Variants in HGFAC observed in about 807,000 individuals in gnomAD.
HGFAC encodes the protein hepatocyte growth factor activator serine protease.
Under a neutral mutation model 70.6 loss-of-function variants are expected in HGFAC, and 76 were observed. The observed-to-expected ratio is 1.08, with a 90% CI of 0.89 to 1.30. The LOEUF (loss-of-function observed/expected upper bound fraction) is 1.30. Ranked by LOEUF, HGFAC falls within the 50% of genes most tolerant of loss-of-function variation. The probability of loss-of-function intolerance (pLI) is 0.00; values close to 1 mark genes in which losing one functional copy is unlikely to be tolerated. For synonymous variants in HGFAC, 464 were observed against 405.3 expected (o/e 1.14, Z -1.74); for missense variants, 1,044 against 933.7 (o/e 1.12, Z -1.54).
At position 3,449,368 on chromosome 4, in the gene HGFAC, C is replaced by T; in HGVS notation, c.1917C>T (p.Asp639=). The change falls in exon 14 of 14, where the codon GAC becomes GAT. Residue 639 remains aspartate (D), a synonymous_variant. Transcript: ENST00000382774. ...ACACCCGCGTGGCCAACTATGTGGA[C>T]TGGATCAACGACCGGATACGGCCTC... ...GVYTRVANYV[D]WINDRIRPPR... 1 of 1,603,404 alleles carries T rather than the reference C, an allele frequency of 6.2e-7. No individual in the cohort carries two copies. The highest frequency in any genetic ancestry group is 8.5e-7 in the Non-Finnish European group (1 of 1,173,960).
At chr4:3,445,885 C>CT (rs1214298624) in intron 9 of HGFAC, 157 bp from the exon 10 acceptor site, 7 of 1,547,224 alleles carry the variant, frequency 4.5e-6, no homozygotes, top group Non-Finnish European at 6.1e-6. Context: ...GATTTGGAAA[C>CT]TGAGGGCAGA....
rs756820391 is a variant in HGFAC at position 3,446,202 on chromosome 4, G to C, written c.1263G>C (p.Trp421Cys). The change falls in exon 10 of 14, where the codon TGG becomes TGC. Residue 421 changes from tryptophan (W) to cysteine (C), a missense_variant. Transcript: ENST00000382774. ...CCTCGCTGCCCGGCTCGCACCCCTG[G>C]CTGGCCGCCATCTACATCGGGGACA... ...GSSSLPGSHP[W>C]LAAIYIGDSF... is the part of the protein sequence containing the mutation. 3.7e-6 allele frequency: 6 copies of C among 1,611,190 alleles called. No homozygotes were observed. The East Asian group carries it at 8.9e-5, about 24-fold the overall frequency.
Position 3,446,319 on chromosome 4 carries a change from A to T in HGFAC, c.1355+25A>T, listed in dbSNP as rs763512669. The T allele has an allele frequency of 1.9e-6, 3 of 1,592,486 alleles. No homozygotes were observed. In the African/African-American group the frequency reaches 4.0e-5, roughly 21 times the overall value. On this transcript the variant is annotated intron_variant, in intron 10 of 13. Transcript: ENST00000382774. ...GGTGCACCTCCTCTGGGCCCCAGTC[A>T]CCTGCCCTGAGGCCCCACACACCAT...
At chr4:3,445,449 C>G (rs1725474565) in intron 9 of HGFAC, 99 bp downstream of exon 9, 2 of 848,426 alleles carry the variant, frequency 2.4e-6, no homozygotes, top group African/African-American at 3.3e-5. Context: ...GCTACTGCAT[C>G]TCTGACAAAT....
chr4:3,445,133 C>A, intron 8 of HGFAC, 132 bp from the exon 9 acceptor site: 1 of 1,289,188 alleles, frequency 7.8e-7, no homozygotes, highest in Non-Finnish European at 1.1e-6. Context: ...GGAGGCTGCC[C>A]GAGGGAGGGC....
At position 3,442,928 on chromosome 4, in the gene HGFAC, C is replaced by A; in HGVS notation, c.298+16C>A. The A allele has an allele frequency of 6.4e-7, 1 of 1,562,292 alleles. No homozygotes were observed. The highest frequency in any genetic ancestry group is 8.7e-7 in the Non-Finnish European group (1 of 1,154,192). ...CAGGCCCAAGGTGGGTCAGGTGGGC[C>A]TGGGAGGAGGTGTCGTGCTTCACCT... On this transcript the variant is annotated intron_variant, in intron 2 of 13. Coordinates refer to ENST00000382774, the MANE Select transcript of HGFAC (RefSeq NM_001528.4).
At chr4:3,448,690 G>A (rs1577128493) in intron 13 of HGFAC, among the ~76,000 whole-genome samples, 2 of 152,168 alleles carry the variant, frequency 1.3e-5, no homozygotes, top group East Asian at 3.9e-4. Context: ...CACGTCCTGG[G>A]CTCTGCAGGC....
Position 3,449,251 on chromosome 4 carries a change from G to T in HGFAC, c.1800G>T (p.Gly600=), listed in dbSNP as rs769529523. 6.2e-7 allele frequency: 1 copy of T among 1,611,928 alleles called. No individual in the cohort carries two copies. The highest frequency in any genetic ancestry group is 1.7e-5 in the Admixed American group (1 of 59,932). Residue 600 remains glycine, a synonymous_variant, in exon 14 of 14, where the codon GGG becomes GGT. Coordinates refer to ENST00000382774, the MANE Select transcript of HGFAC (RefSeq NM_001528.4). ...TCTCTGCCCAGGGGGACTCAGGGGG[G>T]CCCCTGGCCTGCGAGAAGAACGGCG... is the stretch of plus-strand genomic sequence containing the variant. ...KSDACQGDSG[G]PLACEKNGVA... is the part of the protein sequence containing the mutation.
rs554680548 is a variant in HGFAC at position 3,446,730 on chromosome 4, C to T, written c.1355+436C>T. On this transcript the variant is annotated intron_variant, in intron 10 of 13. Transcript: ENST00000382774. ...CTCAGCCGGCTCCCCTCAGTGGGGG[C>T]GCACAGCCACCCAGGCCCACACTCT... Among the ~76,000 whole-genome samples, 601 of 152,290 alleles carry T rather than the reference C, an allele frequency of 3.9e-3. 3 individuals carry two copies. The highest frequency in any genetic ancestry group is 6.0e-3 in the Non-Finnish European group (408 of 67,996).
rs988084520 is a variant in HGFAC at position 3,447,613 on chromosome 4, C to A, written c.1477C>A (p.Pro493Thr). Reference sequence around the variant, plus strand: ...GTACACCCTGTACTCGGTGTTCAACCCCAGCGACCACGACCTCGGTGAGCT... The same window carrying A: ...GTACACCCTGTACTCGGTGTTCAACACCAGCGACCACGACCTCGGTGAGCT... ...IPYTLYSVFN[P>T]SDHDLVLIRL... Residue 493 changes from proline (P) to threonine (T), a missense_variant, in exon 11 of 14, where the codon CCC (proline) becomes ACC (threonine). By Grantham distance (38) the Pro-to-Thr change is conservative. Coordinates refer to ENST00000382774, the MANE Select transcript of HGFAC (RefSeq NM_001528.4). The A allele has an allele frequency of 6.2e-7, 1 of 1,612,670 alleles. No individual in the cohort carries two copies. Among genetic ancestry groups the A allele is most frequent in the African/African-American group, 1.3e-5 (1 of 75,066 alleles).
chr4:3,443,505 G>T, intron 4 of HGFAC, 85 bp downstream of exon 4: 3 of 838,944 alleles, frequency 3.6e-6, no homozygotes, highest in Non-Finnish European at 5.2e-6. Context: ...GGCGGACCCG[G>T]GCAGGGGTCC....
At position 3,449,337 on chromosome 4, in the gene HGFAC, G is replaced by A. The variant is rs1725651609; in HGVS notation, c.1886G>A (p.Gly629Glu). The change falls in exon 14 of 14, where the codon GGG becomes GAG. Residue 629 changes from glycine (G) to glutamate (E), a missense_variant. Transcript: ENST00000382774. ...GDGCGRLHKP[G>E]VYTRVANYVD... ...GGCTGCGGGCGGCTCCACAAGCCGGGGGTCTACACCCGCGTGGCCAACTAT... is the reference window on the plus strand; with the variant it reads ...GGCTGCGGGCGGCTCCACAAGCCGGAGGTCTACACCCGCGTGGCCAACTAT... The A allele has an allele frequency of 3.1e-6, 5 of 1,611,516 alleles. No individual in the cohort carries two copies. Among genetic ancestry groups the A allele is most frequent in the Non-Finnish European group, 3.4e-6 (4 of 1,179,270 alleles).
chr4:3,449,252 C>T lies in HGFAC; in HGVS notation c.1801C>T (p.Pro601Ser), dbSNP rs775128737. 2 of 1,611,644 alleles carry T rather than the reference C, an allele frequency of 1.2e-6. No individual in the cohort carries two copies. Among genetic ancestry groups the T allele is most frequent in the Non-Finnish European group, 8.5e-7 (1 of 1,179,328 alleles). Residue 601 changes from proline to serine, a missense_variant, in exon 14 of 14, where the codon CCC (proline) becomes TCC (serine). Pro to Ser is a moderately conservative substitution (Grantham distance 74, BLOSUM62 -1). Coordinates refer to ENST00000382774, the MANE Select transcript of HGFAC (RefSeq NM_001528.4). ...SDACQGDSGGPLACEKNGVAY... is the reference protein window; with the variant it reads ...SDACQGDSGGSLACEKNGVAY... ...CTCTGCCCAGGGGGACTCAGGGGGG[C>T]CCCTGGCCTGCGAGAAGAACGGCGT...
rs554331602 is a variant in HGFAC, at chr4:3,446,556, C to T, written c.1355+262C>T. ...ATTTCCACAGAGGACCCAGCGCCTG[C>T]GGAGAGTGCAGTGGGCCAGGTCCTG... On this transcript the variant is annotated intron_variant, in intron 10 of 13. Coordinates refer to ENST00000382774, the MANE Select transcript of HGFAC (RefSeq NM_001528.4). Among the ~76,000 whole-genome samples the T allele has an allele frequency of 3.4e-3, 518 of 152,232 alleles. 8 individuals are homozygous for T. The highest frequency in any genetic ancestry group is 6.8e-3 in the Middle Eastern group (2 of 294).
Position 3,448,254 on chromosome 4 carries a change from A to G in HGFAC, c.1763A>G (p.Asp588Gly). ...SPNMLCAGYF[D>G]CKSDACQGDS... ...AACATGCTCTGTGCCGGCTACTTCG[A>G]CTGCAAGTCCGACGCCTGCCAGGTG... Residue 588 changes from aspartate to glycine, a missense_variant, in exon 13 of 14, where the codon GAC becomes GGC. By Grantham distance (94) the Asp-to-Gly change is moderately conservative. Coordinates refer to ENST00000382774, the MANE Select transcript of HGFAC (RefSeq NM_001528.4). The G allele has an allele frequency of 1.2e-6, 2 of 1,606,652 alleles. No homozygotes were observed. Among genetic ancestry groups the G allele is most frequent in the Non-Finnish European group, 1.7e-6 (2 of 1,178,176 alleles).
chr4:3,446,517 CA>C (rs1468121836), intron 10 of HGFAC, among the ~76,000 whole-genome samples: 1 of 152,156 alleles, frequency 6.6e-6, no homozygotes, highest in Non-Finnish European at 1.5e-5. Flanking sequence ...TGAGGGAGGC[CA>C]GGGGTCAGTG....
intron 1 of HGFAC, 29 bp from the exon 2 acceptor site, chr4:3,442,703 C>G (rs776507108): frequency 2.8e-6 from 4 of 1,453,030 alleles, no homozygotes; most frequent in Admixed American, 5.3e-5. Flanking sequence ...GGGTCTGTCC[C>G]ACACTGACAC....
At chr4:3,445,997 GC>G in intron 9 of HGFAC, 44 bp from the exon 10 acceptor site, 1 of 1,602,670 alleles carries the variant, frequency 6.2e-7, no homozygotes, top group Non-Finnish European at 8.5e-7. Flanking sequence ...AAGGGGGCTG[GC>G]CCTGTGAACC....
chr4:3,444,194 A>T, intron 5 of HGFAC, 33 bp downstream of exon 5: 2 of 1,573,034 alleles, frequency 1.3e-6, no homozygotes, highest in Non-Finnish European at 1.7e-6. Flanking sequence ...GCAGGGGTCC[A>T]GGGGCCGGAG....
Sources: allele counts gnomAD v4.1 joint callset (sites outside exome capture counted in the v4.1 genomes callset), GRCh38; gene constraint gnomAD v4.1.1; transcripts MANE v1.5; gene names NCBI Gene and HGNC (gene_info 2026-07-23, HGNC 2026-07-21).